ZNF804B: variants seen among roughly 807,000 people sequenced by gnomAD.
ZNF804B encodes the protein zinc finger protein 804B, also known as zinc finger 804B.
A neutral mutation model predicts 101.4 loss-of-function variants in ZNF804B; 80 were observed. The observed-to-expected ratio is 0.79, with a 90% CI of 0.66 to 0.95. The LOEUF is 0.95. Ranked by LOEUF, ZNF804B falls within the 40% of genes least tolerant of loss-of-function variation. ZNF804B has a pLI of 0.00. For missense variants in ZNF804B, 1,673 were observed against 1,561.9 expected (o/e 1.07, Z -1.20); for synonymous variants, 622 against 558.8 (o/e 1.11, Z -1.59).
chr7:88,817,325 A>G (rs1374262835), intron 1 of ZNF804B, among the ~76,000 whole-genome samples: 2 of 152,176 alleles, frequency 1.3e-5, no homozygotes, highest in Admixed American at 6.5e-5. Flanking sequence ...GCACATGTAT[A>G]CATATGTAAC....
intron 1 of ZNF804B, among the ~76,000 whole-genome samples, chr7:89,043,698 CTA>C (rs1284154439): frequency 6.6e-6 from 1 of 152,126 alleles, no homozygotes; most frequent in Non-Finnish European, 1.5e-5. Context: ...TTTAAAAGCA[CTA>C]TGTGGTTTAT....
intron 1 of ZNF804B, among the ~76,000 whole-genome samples, chr7:88,951,863 G>T (rs1793229206): frequency 6.6e-6 from 1 of 151,708 alleles, no homozygotes; most frequent in Non-Finnish European, 1.5e-5. Context: ...TTCAATAAAT[G>T]ATGAAACTTC....
rs1378831513 is a variant in ZNF804B, at chr7:89,334,253, T to G, written c.1271T>G (p.Val424Gly). The G allele has an allele frequency of 6.2e-7, 1 of 1,613,668 alleles. No homozygotes were observed. Among genetic ancestry groups the G allele is most frequent in the East Asian group, 2.2e-5 (1 of 44,852 alleles). ...AAAACAGAAAGAGTTAGCAAAAATG[T>G]TCAAAGACTTGTAAAAGAAGCATGT... ...LDKTERVSKNVQRLVKEACTH... is the reference protein window; with the variant it reads ...LDKTERVSKNGQRLVKEACTH... Residue 424 changes from valine to glycine, a missense_variant, in exon 4 of 4, where the codon GTT becomes GGT. By Grantham distance (109) the Val-to-Gly change is moderately radical (BLOSUM62 -3). Coordinates refer to ENST00000333190, the MANE Select transcript of ZNF804B (RefSeq NM_181646.5).
chr7:88,807,383 G>A (rs1790707650), intron 1 of ZNF804B, among the ~76,000 whole-genome samples: 1 of 152,174 alleles, frequency 6.6e-6, no homozygotes, highest in Non-Finnish European at 1.5e-5. Context: ...TGGGTAGGGT[G>A]ATGGCAAAGT....
chr7:88,785,258 T>C (rs1412145362), intron 1 of ZNF804B, among the ~76,000 whole-genome samples: 4 of 152,114 alleles, frequency 2.6e-5, no homozygotes, highest in African/African-American at 9.7e-5. Context: ...ACCTGCCTGG[T>C]ACTTCATCCT....
At chr7:89,145,937 C>T (rs1790785489) in intron 1 of ZNF804B, among the ~76,000 whole-genome samples, 1 of 152,042 alleles carries the variant, frequency 6.6e-6, no homozygotes, top group Non-Finnish European at 1.5e-5. Context: ...TTCTGTGCTG[C>T]ATTAGCTAAT....
chr7:88,937,574 G>T (rs778483700), intron 1 of ZNF804B, among the ~76,000 whole-genome samples: 5 of 151,942 alleles, frequency 3.3e-5, no homozygotes, highest in African/African-American at 4.8e-5. Context: ...GATGAGAAAT[G>T]ATATAAAAAT....
Position 89,080,617 on chromosome 7 carries a change from G to A in ZNF804B, c.109-137538G>A, listed in dbSNP as rs951631793. ...ATTGAGCCTTTTATCCATGGAAGGC[G>A]TCTCATCCAGTCACTTTCCATTTGG... On this transcript the variant is annotated intron_variant, in intron 1 of 3. Coordinates refer to ENST00000333190, the MANE Select transcript of ZNF804B (RefSeq NM_181646.5). 4.6e-5 allele frequency among the ~76,000 whole-genome samples: 7 copies of A among 151,854 alleles called. No individual in the cohort carries two copies. In the South Asian group the frequency reaches 8.3e-4, roughly 18 times the overall value.
rs1424636393 is a variant in ZNF804B at position 89,056,138 on chromosome 7, C to G, written c.109-162017C>G. Among the ~76,000 whole-genome samples, 4 of 152,124 alleles carry G rather than the reference C, an allele frequency of 2.6e-5. No homozygotes were observed. The East Asian group carries it at 5.8e-4, about 22-fold the overall frequency. ...AAAGCCTCTCAGTATATCAGAGTGC[C>G]AGTCTTTGGGATATTGCTTTTTGAG... On this transcript the variant is annotated intron_variant, in intron 1 of 3. Transcript: ENST00000333190.
intron 1 of ZNF804B, among the ~76,000 whole-genome samples, chr7:89,000,217 A>G (rs771834698): frequency 6.6e-6 from 1 of 151,980 alleles, no homozygotes; most frequent in Non-Finnish European, 1.5e-5. Context: ...CAAACAAGGT[A>G]GAGAATTTTT....
intron 1 of ZNF804B, among the ~76,000 whole-genome samples, chr7:89,041,697 G>A (rs1789019999): frequency 1.3e-5 from 2 of 152,118 alleles, no homozygotes; most frequent in African/African-American, 2.4e-5. Context: ...TCCTTTCCTC[G>A]AGCAGGACAC....
chr7:89,163,733 A>T (rs1049523667), intron 1 of ZNF804B, among the ~76,000 whole-genome samples: 1 of 152,158 alleles, frequency 6.6e-6, no homozygotes, highest in Non-Finnish European at 1.5e-5. Flanking sequence ...ATAGTAGAGC[A>T]GTGTGTTGAA....
chr7:89,207,350 G>A (rs1256209150), intron 1 of ZNF804B, among the ~76,000 whole-genome samples: 1 of 152,186 alleles, frequency 6.6e-6, no homozygotes, highest in Admixed American at 6.5e-5. Context: ...TGAGGAGCAA[G>A]GTCACATCTC....
intron 1 of ZNF804B, among the ~76,000 whole-genome samples, chr7:89,149,515 C>A (rs986695608): frequency 6.6e-6 from 1 of 151,936 alleles, no homozygotes; most frequent in South Asian, 2.1e-4. Context: ...TTAATTGATA[C>A]ATAGTGAATT....
At chr7:89,033,245 T>C (rs1788867949) in intron 1 of ZNF804B, among the ~76,000 whole-genome samples, 2 of 152,150 alleles carry the variant, frequency 1.3e-5, no homozygotes, top group Admixed American at 1.3e-4. Context: ...CCTGGCTTAT[T>C]TCACTTAGCA....
intron 1 of ZNF804B, among the ~76,000 whole-genome samples, chr7:88,788,801 G>A (rs1372257324): frequency 6.6e-6 from 1 of 152,116 alleles, no homozygotes; most frequent in Non-Finnish European, 1.5e-5. Flanking sequence ...AGAGAAGTGT[G>A]CAACTAGAGT....
chr7:89,102,290 C>A (rs1367708520), intron 1 of ZNF804B, among the ~76,000 whole-genome samples: 1 of 152,068 alleles, frequency 6.6e-6, no homozygotes, highest in African/African-American at 2.4e-5. Flanking sequence ...TGCATTCCCA[C>A]CAACAGTATG....
intron 1 of ZNF804B, among the ~76,000 whole-genome samples, chr7:88,891,221 T>C (rs2115930200): frequency 6.6e-6 from 1 of 152,268 alleles, no homozygotes; most frequent in South Asian, 2.1e-4. Context: ...CCTTATGCAC[T>C]GATTGTAGAT....
intron 1 of ZNF804B, among the ~76,000 whole-genome samples, chr7:88,763,608 A>G (rs778188994): frequency 4.2e-4 from 64 of 152,174 alleles, no homozygotes; most frequent in African/African-American, 1.2e-3. Flanking sequence ...GCTTAATGAT[A>G]AAAGTCTCTA....
Sources: allele counts gnomAD v4.1 joint callset (sites outside exome capture counted in the v4.1 genomes callset), GRCh38; gene constraint gnomAD v4.1.1; transcripts MANE v1.5; gene names NCBI Gene and HGNC (gene_info 2026-07-23, HGNC 2026-07-21).